Variants in CAMK1D observed in about 807,000 individuals in gnomAD.
The protein encoded by CAMK1D is calcium/calmodulin-dependent protein kinase type 1D.
Under a neutral mutation model 47.7 loss-of-function variants are expected in CAMK1D, and 9 were observed. The ratio of observed to expected loss-of-function variants is 0.19; its 90% confidence interval spans 0.11 to 0.33. The LOEUF is 0.33. CAMK1D is among the 10% of genes least tolerant of loss of function. The pLI, the probability that CAMK1D is intolerant of heterozygous loss-of-function variation, is 1.00. For synonymous variants in CAMK1D, 184 were observed against 184.9 expected (o/e 0.99, Z 0.04); for missense variants, 291 against 488.7 (o/e 0.60, Z 3.81).
At chr10:12,633,520 A>G (rs1032375253) in intron 2 of CAMK1D, among the ~76,000 whole-genome samples, 13 of 152,000 alleles carry the variant, frequency 8.6e-5, no homozygotes, top group African/African-American at 2.4e-4. Flanking sequence ...GGCTGTAGAT[A>G]CTCGGTTCCG....
intron 3 of CAMK1D, among the ~76,000 whole-genome samples, chr10:12,742,884 G>A (rs17152180): frequency 0.038 from 5,715 of 152,258 alleles, 388 homozygotes; most frequent in African/African-American, 0.13. Flanking sequence ...CAAGAGGAGA[G>A]CCCGCGTCAG....
chr10:12,501,868 T>C (rs1218050373), intron 1 of CAMK1D, among the ~76,000 whole-genome samples: 3 of 152,062 alleles, frequency 2.0e-5, no homozygotes, highest in Non-Finnish European at 2.9e-5. Flanking sequence ...CCAAAAGCCA[T>C]TTGATGCTTT....
chr10:12,350,745 G>A (rs1020212752), intron 1 of CAMK1D, among the ~76,000 whole-genome samples: 3 of 152,238 alleles, frequency 2.0e-5, no homozygotes, highest in African/African-American at 7.2e-5. Context: ...CTCAGAATAG[G>A]TGGGGAGGCT....
rs534142480 is a variant in CAMK1D, at chr10:12,518,191, C to T, written c.93-35034C>T. On this transcript the variant is annotated intron_variant, in intron 1 of 10. Coordinates refer to ENST00000619168, the MANE Select transcript of CAMK1D (RefSeq NM_153498.4). The stretch of plus-strand genomic sequence containing the variant: ...CATTAGCAAACTGAAGCCCACAGGC[C>T]AGCCACCTCTTTTTATGAATAAAGT... 2.7e-3 allele frequency among the ~76,000 whole-genome samples: 411 copies of T among 152,306 alleles called. 1 individual carries two copies. Among genetic ancestry groups the T allele is most frequent in the Admixed American group, 4.5e-3 (69 of 15,296 alleles).
intron 1 of CAMK1D, among the ~76,000 whole-genome samples, chr10:12,486,119 G>T (rs541282572): frequency 2.0e-5 from 3 of 149,566 alleles, no homozygotes; most frequent in Non-Finnish European, 4.4e-5. Flanking sequence ...ACACACACAC[G>T]TACACATGCT....
intron 3 of CAMK1D, among the ~76,000 whole-genome samples, chr10:12,718,507 C>T (rs550423279): frequency 6.6e-6 from 1 of 152,262 alleles, no homozygotes; most frequent in East Asian, 1.9e-4. Context: ...CACCAGATGG[C>T]TCCCTTAGGT....
chr10:12,583,530 TG>T (rs1262047486), intron 2 of CAMK1D, among the ~76,000 whole-genome samples: 2 of 152,204 alleles, frequency 1.3e-5, no homozygotes, highest in Non-Finnish European at 2.9e-5. Context: ...CTCTGTGCTT[TG>T]ACCTTGCTCA....
rs117301469 is a variant in CAMK1D at position 12,446,171 on chromosome 10, A to G, written c.92+96261A>G. On this transcript the variant is annotated intron_variant, in intron 1 of 10. Coordinates refer to ENST00000619168, the MANE Select transcript of CAMK1D (RefSeq NM_153498.4). Reference sequence around the variant, plus strand: ...TCTCGTGCAAGAGAGAATTCAGGGCAAGTCCACAGAGTAAAGTGCAAGCAA... The same window carrying G: ...TCTCGTGCAAGAGAGAATTCAGGGCGAGTCCACAGAGTAAAGTGCAAGCAA... Among the ~76,000 whole-genome samples the G allele has an allele frequency of 2.5e-3, 374 of 152,326 alleles. 5 individuals are homozygous for G. Among genetic ancestry groups the G allele is most frequent in the East Asian group, 0.021 (110 of 5,188 alleles).
chr10:12,552,734 A>G (rs1836625721), intron 1 of CAMK1D, among the ~76,000 whole-genome samples: 2 of 152,040 alleles, frequency 1.3e-5, no homozygotes, highest in Admixed American at 1.3e-4. Flanking sequence ...TTCCTTTTTG[A>G]AAAACTTTTA....
intron 4 of CAMK1D, among the ~76,000 whole-genome samples, chr10:12,762,793 T>C (rs1256392328): frequency 6.6e-6 from 1 of 152,168 alleles, no homozygotes; most frequent in Non-Finnish European, 1.5e-5. Context: ...TTCAGAGGGC[T>C]AGGTAGGGGC....
At chr10:12,642,415 A>T (rs1839692810) in intron 2 of CAMK1D, among the ~76,000 whole-genome samples, 1 of 152,238 alleles carries the variant, frequency 6.6e-6, no homozygotes, top group Non-Finnish European at 1.5e-5. Context: ...TACACGATGG[A>T]TGATAGCTGA....
chr10:12,722,387 AATGAGCCAAG>A (rs1834426668), intron 3 of CAMK1D, among the ~76,000 whole-genome samples: 1 of 142,248 alleles, frequency 7.0e-6, no homozygotes, highest in African/African-American at 2.6e-5. Context: ...CAGAGCTTGC[AATGAGCCAAG>A]ATTGTGCCAC....
At chr10:12,777,098 G>A (rs796532745) in intron 5 of CAMK1D, among the ~76,000 whole-genome samples, 1 of 152,158 alleles carries the variant, frequency 6.6e-6, no homozygotes, top group Non-Finnish European at 1.5e-5. Flanking sequence ...TTATGGCTGC[G>A]TTTTAAAGCC....
At chr10:12,526,894 T>G (rs1835639801) in intron 1 of CAMK1D, among the ~76,000 whole-genome samples, 1 of 14,102 alleles carries the variant, frequency 7.1e-5, no homozygotes, top group East Asian at 2.7e-3. Context: ...CAAAACCCTA[T>G]CTCAAAAAAA....
rs1287402576 is a variant in CAMK1D at position 12,520,932 on chromosome 10, G to GAA, written c.93-32293_93-32292insAA. Among the ~76,000 whole-genome samples, 197 of 23,442 alleles carry GAA rather than the reference G, an allele frequency of 8.4e-3. 3 individuals carry two copies. The highest frequency in any genetic ancestry group is 0.011 in the Non-Finnish European group (127 of 11,652). The allele number at this position is 23,442 out of a possible 152,430, so 15.4% of individuals were successfully genotyped here. A position where few individuals can be genotyped will look rare whatever the true frequency, so the allele number is the denominator to read the frequency against. ...AGGGAGACCGTGGAAGGAGACCGTG[G>GAA]GGAGAGGGAGAGGGAGGGGGAGGGG... On this transcript the variant is annotated intron_variant, in intron 1 of 10. Coordinates refer to ENST00000619168, the MANE Select transcript of CAMK1D (RefSeq NM_153498.4).
intron 1 of CAMK1D, among the ~76,000 whole-genome samples, chr10:12,508,739 C>A (rs963548149): frequency 1.3e-5 from 2 of 152,190 alleles, no homozygotes; most frequent in Admixed American, 1.3e-4. Flanking sequence ...CATCCTGAGG[C>A]CTCTCTGCAG....
At chr10:12,791,133 G>C in intron 5 of CAMK1D, 25 bp from the exon 6 acceptor site, 6 of 1,611,838 alleles carry the variant, frequency 3.7e-6, no homozygotes, top group Non-Finnish European at 5.1e-6. Context: ...TTGTCAGGCT[G>C]TGTCTTTTCT....
At chr10:12,749,606 C>T (rs4558057) in intron 3 of CAMK1D, among the ~76,000 whole-genome samples, 36,017 of 146,150 alleles carry the variant, frequency 0.25, 5,544 homozygotes, top group African/African-American at 0.42. Context: ...TCACCCAGGC[C>T]GAAGTGCAGT....
chr10:12,580,451 A>G (rs868043498), intron 2 of CAMK1D, among the ~76,000 whole-genome samples: 7 of 150,200 alleles, frequency 4.7e-5, no homozygotes, highest in Non-Finnish European at 4.4e-5. Flanking sequence ...TGACTCTGCA[A>G]TTGTTGAATT....
Sources: gnomAD v4.1 joint callset for allele counts (sites outside exome capture counted in the v4.1 genomes callset) on GRCh38, gnomAD v4.1.1 for gene constraint, MANE v1.5 for transcripts, NCBI Gene and HGNC (gene_info 2026-07-23, HGNC 2026-07-21) for gene names.